The following SLX4IP variants were observed in gnomAD, a reference collection of about 807,000 sequenced individuals.
SLX4IP encodes protein SLX4IP.
SLX4IP carries 34 observed loss-of-function variants against 32.9 expected under a neutral mutation model. The observed-to-expected ratio is 1.03, with a 90% CI of 0.79 to 1.38. SLX4IP has a LOEUF of 1.38. Among genes scored for constraint, SLX4IP ranks in the 40% most tolerant of loss-of-function variants. SLX4IP has a pLI of 0.00. For synonymous variants in SLX4IP, 172 were observed against 171.7 expected, an observed-to-expected ratio of 1.00 and a Z score of -0.01; for missense variants, 444 against 479.0, an observed-to-expected ratio of 0.93 and a Z score of 0.68.
chr20:10,619,294 C>T (rs2067079943), intron 6 of SLX4IP, among the ~76,000 whole-genome samples: 1 of 136,318 alleles, frequency 7.3e-6, no homozygotes, highest in Non-Finnish European at 1.5e-5. Context: ...TCACTCTTAT[C>T]ACCTTTTCTG....
chr20:10,598,782 C>T (rs1333705747), intron 5 of SLX4IP, 30 bp downstream of exon 5: 4 of 1,600,434 alleles, frequency 2.5e-6, no homozygotes, highest in African/African-American at 1.3e-5. Context: ...GTTTGTCAGA[C>T]ATTTCACACA....
chr20:10,601,146 A>C (rs906990287), intron 5 of SLX4IP, among the ~76,000 whole-genome samples: 1 of 152,068 alleles, frequency 6.6e-6, no homozygotes, highest in African/African-American at 2.4e-5. Flanking sequence ...GTATGGTGTA[A>C]TTTTACCATC....
intron 1 of SLX4IP, among the ~76,000 whole-genome samples, chr20:10,442,023 T>C (rs549855038): frequency 1.3e-5 from 2 of 152,372 alleles, no homozygotes; most frequent in African/African-American, 4.8e-5. Context: ...GCTTTGCCTT[T>C]GCTGTTTTCT....
intron 6 of SLX4IP, among the ~76,000 whole-genome samples, chr20:10,620,649 G>C (rs1282113524): frequency 6.6e-6 from 1 of 152,140 alleles, no homozygotes; most frequent in Non-Finnish European, 1.5e-5. Context: ...CGCCTCCCGG[G>C]TTCACGCCAT....
chr20:10,506,147 C>T (rs975678267), intron 2 of SLX4IP, among the ~76,000 whole-genome samples: 1 of 152,200 alleles, frequency 6.6e-6, no homozygotes, highest in African/African-American at 2.4e-5. Flanking sequence ...CCCGGAGAAC[C>T]TCATGGTAAC....
At chr20:10,481,674 C>G (rs2122381716) in intron 2 of SLX4IP, among the ~76,000 whole-genome samples, 1 of 152,232 alleles carries the variant, frequency 6.6e-6, no homozygotes, top group East Asian at 1.9e-4. Flanking sequence ...TTACCTATTT[C>G]TGGTCACCAA....
chr20:10,503,238 C>G (rs1346954759), intron 2 of SLX4IP, among the ~76,000 whole-genome samples: 1 of 152,196 alleles, frequency 6.6e-6, no homozygotes, highest in African/African-American at 2.4e-5. Context: ...CCTTCTGAGT[C>G]TTCAGGCCTG....
chr20:10,458,824 C>T (rs1428264477), intron 2 of SLX4IP, among the ~76,000 whole-genome samples: 2 of 152,068 alleles, frequency 1.3e-5, no homozygotes, highest in East Asian at 1.9e-4. Context: ...AATGAACATA[C>T]GCATGCATGT....
At chr20:10,601,639 C>A in intron 5 of SLX4IP, 92 bp from the exon 6 acceptor site, 2 of 968,404 alleles carry the variant, frequency 2.1e-6, no homozygotes, top group South Asian at 1.4e-5. Context: ...GTGCATATTG[C>A]AGTAACTTAA....
chr20:10,508,597 G>A (rs1237809054), intron 2 of SLX4IP, among the ~76,000 whole-genome samples: 1 of 152,142 alleles, frequency 6.6e-6, no homozygotes. Flanking sequence ...GCTCCCGGGG[G>A]CTGCTGGCAA....
chr20:10,466,715 G>C (rs1169281979), intron 2 of SLX4IP, among the ~76,000 whole-genome samples: 1 of 151,880 alleles, frequency 6.6e-6, no homozygotes, highest in African/African-American at 2.4e-5. Flanking sequence ...TTTTACTTTT[G>C]CTCTTGATGG....
intron 1 of SLX4IP, among the ~76,000 whole-genome samples, chr20:10,442,605 A>G (rs1286052233): frequency 6.6e-6 from 1 of 152,234 alleles, no homozygotes; most frequent in Non-Finnish European, 1.5e-5. Context: ...GGGTTGTCCT[A>G]CACTTCTTAA....
intron 1 of SLX4IP, among the ~76,000 whole-genome samples, chr20:10,445,143 G>A (rs2065191442): frequency 6.6e-6 from 1 of 152,062 alleles, no homozygotes; most frequent in Admixed American, 6.5e-5. Flanking sequence ...ATGGTTGGAT[G>A]TTGCACAGTG....
At chr20:10,482,860 A>G (rs1403858552) in intron 2 of SLX4IP, among the ~76,000 whole-genome samples, 4 of 152,202 alleles carry the variant, frequency 2.6e-5, no homozygotes, top group Non-Finnish European at 5.9e-5. Flanking sequence ...GAATTTTACG[A>G]CATAAAATTG....
At chr20:10,596,016 C>A (rs1419020513) in intron 4 of SLX4IP, among the ~76,000 whole-genome samples, 2 of 152,144 alleles carry the variant, frequency 1.3e-5, no homozygotes, top group East Asian at 1.9e-4. Context: ...TCAATAAACT[C>A]ATTTCTCCTA....
chr20:10,476,603 T>G (rs1048895573), intron 2 of SLX4IP, among the ~76,000 whole-genome samples: 3 of 152,202 alleles, frequency 2.0e-5, no homozygotes, highest in Non-Finnish European at 4.4e-5. Flanking sequence ...TAATGACTGA[T>G]TCTCCACCTG....
intron 2 of SLX4IP, among the ~76,000 whole-genome samples, chr20:10,482,105 C>A (rs956773141): frequency 6.6e-6 from 1 of 152,218 alleles, no homozygotes; most frequent in Non-Finnish European, 1.5e-5. Flanking sequence ...GGTGTGAAAA[C>A]CAGGAGGCAG....
At chr20:10,593,701 A>G (rs917020368) in intron 4 of SLX4IP, among the ~76,000 whole-genome samples, 1 of 152,104 alleles carries the variant, frequency 6.6e-6, no homozygotes, top group Non-Finnish European at 1.5e-5. Context: ...GTGCCACTGC[A>G]CTCCAGCCTG....
chr20:10,588,067 A>G (rs1245773307), intron 4 of SLX4IP, among the ~76,000 whole-genome samples: 1 of 152,152 alleles, frequency 6.6e-6, no homozygotes, highest in Non-Finnish European at 1.5e-5. Context: ...AAATATTTTC[A>G]AGCCCATATA....
Sources: gnomAD v4.1 joint callset for allele counts (sites outside exome capture counted in the v4.1 genomes callset) on GRCh38, gnomAD v4.1.1 for gene constraint, MANE v1.5 for transcripts, NCBI Gene and HGNC (gene_info 2026-07-23, HGNC 2026-07-21) for gene names.